The following GALNT13 variants were observed in gnomAD, a reference collection of about 807,000 sequenced individuals.
The protein encoded by GALNT13 is UDP-GalNAc:polypeptide N-acetylgalactosaminyltransferase 13.
Under a neutral mutation model 64.2 loss-of-function variants are expected in GALNT13, and 28 were observed. The observed-to-expected ratio is 0.44, with a 90% CI of 0.32 to 0.60. The LOEUF (loss-of-function observed/expected upper bound fraction) is 0.60, where lower values mean the gene tolerates loss of function less well. Among genes scored for constraint, GALNT13 ranks in the 20% least tolerant of loss-of-function variants. The probability of loss-of-function intolerance (pLI) is 0.05; values close to 1 mark genes in which losing one functional copy is unlikely to be tolerated. For synonymous variants in GALNT13, 214 were observed against 224.6 expected, an observed-to-expected ratio of 0.95 and a Z score of 0.42; for missense variants, 577 against 669.8, an observed-to-expected ratio of 0.86 and a Z score of 1.53.
rs1179722579 is a variant in GALNT13 at position 154,043,414 on chromosome 2, TTATATATATATATATATATA to T, written c.143-96900_143-96881del. On this transcript the variant is annotated intron_variant, in intron 3 of 12. Coordinates refer to ENST00000392825, the MANE Select transcript of GALNT13 (RefSeq NM_052917.4). ...TCTGTCAACACTACTATAAGGACTT[TTATATATATATATATATATA>T]TATATATATATATATATATATACAC... is the stretch of plus-strand genomic sequence containing the variant. Among the ~76,000 whole-genome samples the T allele has an allele frequency of 4.2e-4, 33 of 78,270 alleles. 6 individuals carry two copies. Among genetic ancestry groups the T allele is most frequent in the Admixed American group, 2.5e-3 (18 of 7,140 alleles). The allele number at this position is 78,270 out of a possible 152,430, so 51.3% of individuals were successfully genotyped here.
the GALNT13 span, among the ~76,000 whole-genome samples, chr2:153,853,916 T>G: frequency 6.6e-6 from 1 of 151,888 alleles, no homozygotes; most frequent in South Asian, 2.1e-4. Flanking sequence ...TGAGGAAATT[T>G]TGTGGGCTGA....
intron 8 of GALNT13, among the ~76,000 whole-genome samples, chr2:154,261,993 T>G (rs1320259790): frequency 6.6e-6 from 1 of 152,156 alleles, no homozygotes; most frequent in Non-Finnish European, 1.5e-5. Flanking sequence ...TTGCAAAGAC[T>G]TATTTGTAAC....
intron 3 of GALNT13, among the ~76,000 whole-genome samples, chr2:154,033,191 A>G (rs1236723154): frequency 6.6e-6 from 1 of 152,082 alleles, no homozygotes; most frequent in African/African-American, 2.4e-5. Context: ...ATCAAAATGT[A>G]TTATAAGTCT....
upstream of GALNT13, among the ~76,000 whole-genome samples, chr2:153,870,230 C>T (rs555258837): frequency 3.3e-5 from 5 of 152,182 alleles, no homozygotes; most frequent in South Asian, 2.1e-4. Flanking sequence ...TTTGGGACTA[C>T]GTAAATATCC....
intron 10 of GALNT13, among the ~76,000 whole-genome samples, chr2:154,407,993 G>A (rs1344124866): frequency 1.3e-5 from 2 of 152,106 alleles, no homozygotes; most frequent in Admixed American, 1.3e-4. Context: ...TGTACTCAGA[G>A]CATAGATAAG....
chr2:153,101,294 C>T, the GALNT13 span, among the ~76,000 whole-genome samples: 1 of 152,056 alleles, frequency 6.6e-6, no homozygotes, highest in Admixed American at 6.6e-5. Context: ...CCTAGATTCT[C>T]CCAGGCCATG....
intron 4 of GALNT13, among the ~76,000 whole-genome samples, chr2:154,146,173 C>A (rs1181710936): frequency 1.3e-5 from 2 of 151,260 alleles, no homozygotes; most frequent in Non-Finnish European, 3.0e-5. Flanking sequence ...CACGCATACA[C>A]ATACACACAC....
At chr2:153,646,910 G>A in the GALNT13 span, among the ~76,000 whole-genome samples, 2 of 152,116 alleles carry the variant, frequency 1.3e-5, no homozygotes, top group African/African-American at 2.4e-5. Context: ...TGTGAGTAGT[G>A]CCGCAATAAA....
the GALNT13 span, among the ~76,000 whole-genome samples, chr2:153,496,993 CAAAAAAAAA>C: frequency 9.9e-5 from 9 of 90,860 alleles, no homozygotes; most frequent in East Asian, 9.2e-4. Context: ...GATTTTGTCT[CAAAAAAAAA>C]AAAAAAAAAA....
chr2:153,164,634 C>T, the GALNT13 span, among the ~76,000 whole-genome samples: 3 of 151,966 alleles, frequency 2.0e-5, no homozygotes, highest in Non-Finnish European at 2.9e-5. Context: ...TTTTCATCTC[C>T]AAAAATTTTC....
At chr2:153,251,289 A>G in the GALNT13 span, among the ~76,000 whole-genome samples, 1 of 152,162 alleles carries the variant, frequency 6.6e-6, no homozygotes, top group Non-Finnish European at 1.5e-5. Flanking sequence ...TGTAATTGAT[A>G]TGTTAAATTA....
chr2:154,034,968 G>A (rs767778059), intron 3 of GALNT13, among the ~76,000 whole-genome samples: 5 of 152,112 alleles, frequency 3.3e-5, no homozygotes, highest in South Asian at 2.1e-4. Flanking sequence ...TAGTGGGAAT[G>A]TAAATTAGTA....
At chr2:154,360,698 T>C (rs1418336213) in intron 9 of GALNT13, among the ~76,000 whole-genome samples, 1 of 152,102 alleles carries the variant, frequency 6.6e-6, no homozygotes, top group Non-Finnish European at 1.5e-5. Flanking sequence ...AGTATATCTT[T>C]ATTGAGCACG....
chr2:154,456,257 T>C (rs1050449350), downstream of GALNT13, among the ~76,000 whole-genome samples: 7 of 151,536 alleles, frequency 4.6e-5, no homozygotes, highest in African/African-American at 9.7e-5. Flanking sequence ...ATTTCAAAAA[T>C]GTTTTAGATA....
chr2:154,260,477 C>T (rs1425874744), intron 8 of GALNT13, among the ~76,000 whole-genome samples: 1 of 152,024 alleles, frequency 6.6e-6, no homozygotes, highest in Non-Finnish European at 1.5e-5. Context: ...ACTATTTTGC[C>T]TGTAAACTTT....
At chr2:153,091,430 C>T in the GALNT13 span, among the ~76,000 whole-genome samples, 2 of 152,186 alleles carry the variant, frequency 1.3e-5, no homozygotes, top group South Asian at 2.1e-4. Flanking sequence ...TGTTCAGAGG[C>T]AGGTTTTCCC....
chr2:154,206,820 G>C (rs1687485155), intron 4 of GALNT13, among the ~76,000 whole-genome samples: 1 of 151,578 alleles, frequency 6.6e-6, no homozygotes, highest in Non-Finnish European at 1.5e-5. Flanking sequence ...AACAGGAAGG[G>C]GATTTGAGAG....
In GALNT13 at chr2:154,438,652, A is replaced by T; in HGVS notation, c.1456A>T (p.Arg486Ter). Residue 486 changes from arginine (R) to a stop codon, truncating the protein, a stop_gained, in exon 12 of 13, where the codon AGA (arginine) becomes TGA (stop). Coordinates refer to ENST00000392825, the MANE Select transcript of GALNT13 (RefSeq NM_052917.4). LOFTEE classifies it high-confidence loss of function. ...CGATGACTTGTGCTTGGATGTTTCT[A>T]GACTCAATGGACCTGTAATCATGTT... ...RTDDLCLDVS[R>*]LNGPVIMLKC... The T allele has an allele frequency of 6.2e-7, 1 of 1,612,242 alleles. No homozygotes were observed. The highest frequency in any genetic ancestry group is 8.5e-7 in the Non-Finnish European group (1 of 1,178,366).
At chr2:153,446,440 T>C in the GALNT13 span, among the ~76,000 whole-genome samples, 1 of 152,150 alleles carries the variant, frequency 6.6e-6, no homozygotes, top group Non-Finnish European at 1.5e-5. Flanking sequence ...TGGGGAAATA[T>C]AGAGAGAAAC....
Sources: gnomAD v4.1 joint callset for allele counts (sites outside exome capture counted in the v4.1 genomes callset) on GRCh38, gnomAD v4.1.1 for gene constraint, MANE v1.5 for transcripts, NCBI Gene and HGNC (gene_info 2026-07-23, HGNC 2026-07-21) for gene names.